SLC4A3: variants seen among roughly 807,000 people sequenced by gnomAD.
The protein encoded by SLC4A3 is solute carrier family 4 member 3.
A neutral mutation model predicts 114.2 loss-of-function variants in SLC4A3; 47 were observed. The ratio of observed to expected loss-of-function variants is 0.41; its 90% CI spans 0.33 to 0.52. The LOEUF (loss-of-function observed/expected upper bound fraction) is 0.52, where lower values mean the gene tolerates loss of function less well. SLC4A3 is among the 20% of genes least tolerant of loss of function. The pLI, the probability that SLC4A3 is intolerant of heterozygous loss-of-function variation, is 0.21. For missense variants in SLC4A3, 1,312 were observed against 1,668.3 expected, an observed-to-expected ratio of 0.79 and a Z score of 3.72; for synonymous variants, 693 against 710.3, an observed-to-expected ratio of 0.98 and a Z score of 0.39.
rs1365991235 is a variant in SLC4A3, at chr2:219,628,437, T to G, written c.84T>G (p.Ser28Arg). Residue 28 changes from serine to arginine, a missense_variant, in exon 3 of 23, where the codon AGT becomes AGG. Transcript: ENST00000358055. This position sits in a 1 kb window ranked among gnomAD's most constrained non-coding sequence, Gnocchi z 4.8. ...VRVPLEEPPL[S>R]PDVEEEDDDL... ...TGCCCTTGGAGGAGCCCCCTCTAAG[T>G]CCAGACGTGGAGGAGGAGGACGATG... The G allele has an allele frequency of 1.9e-6, 3 of 1,613,130 alleles. No homozygotes were observed. The highest frequency in any genetic ancestry group is 1.7e-5 in the Admixed American group (1 of 59,890).
Position 219,637,616 on chromosome 2 carries a change from C to T in SLC4A3, c.2571C>T (p.Pro857=), listed in dbSNP as rs201752830. Residue 857 remains proline (P), a synonymous_variant, in exon 17 of 23, where the codon CCC becomes CCT. Coordinates refer to ENST00000358055, the MANE Select transcript of SLC4A3 (RefSeq NM_005070.4). The surrounding 1 kb of genome is among the most constrained non-coding windows in gnomAD (Gnocchi z 4.6). ...FTEHPLLPFY[P]PEGALEGSLD... The stretch of plus-strand genomic sequence containing the variant: ...AGCACCCACTGCTGCCGTTCTACCC[C>T]CCTGAGGGGGCCCTGGAGGGGTCCC... 430 of 1,611,056 alleles carry T rather than the reference C, an allele frequency of 2.7e-4. 1 individual carries two copies. The highest frequency in any genetic ancestry group is 1.9e-4 in the Non-Finnish European group (222 of 1,177,802).
rs780440407 is a variant in SLC4A3 at position 219,629,270 on chromosome 2, C to T, written c.344C>T (p.Thr115Ile). The change falls in exon 4 of 23, where the codon ACC becomes ATC. Residue 115 changes from threonine (T) to isoleucine (I), a missense_variant. Physicochemically the swap from Thr to Ile is moderately conservative, Grantham distance 89. Around this residue, in one of 4 missense-constraint regions of SLC4A3, gnomAD observed 236 missense variants for 212.1 expected, o/e 1.11. Coordinates refer to ENST00000358055, the MANE Select transcript of SLC4A3 (RefSeq NM_005070.4). The part of the protein sequence containing the change: ...HTRRKRKKEK[T>I]SAPPSEGTPP... ...AGGAGAAAGAGGAAGAAGGAGAAAA[C>T]CTCTGCTCCTCCCTCCGAGGGGACC... is the stretch of plus-strand genomic sequence containing the variant. The T allele has an allele frequency of 1.9e-5, 30 of 1,613,846 alleles. No homozygotes were observed. Among genetic ancestry groups the T allele is most frequent in the Non-Finnish European group, 2.1e-5 (25 of 1,179,974 alleles).
intron 9 of SLC4A3, 113 bp downstream of exon 9, chr2:219,633,122 C>A (rs1022248671): frequency 2.8e-6 from 4 of 1,419,044 alleles, no homozygotes; most frequent in Admixed American, 4.1e-5. Context: ...TGACAGAGAG[C>A]TCATTTCTAT....
chr2:219,641,603 G>A lies in SLC4A3; in HGVS notation c.3622-48G>A. The A allele has an allele frequency of 6.9e-7, 1 of 1,458,838 alleles. No homozygotes were observed. Among genetic ancestry groups the A allele is most frequent in the Non-Finnish European group, 9.6e-7 (1 of 1,039,642 alleles). The allele number at this position is 1,458,838 out of a possible 1,614,324, so 90.4% of individuals were successfully genotyped here. On this transcript the variant is annotated intron_variant, in intron 22 of 22. Coordinates refer to ENST00000358055, the MANE Select transcript of SLC4A3 (RefSeq NM_005070.4). The surrounding 1 kb of genome is among the most constrained non-coding windows in gnomAD (Gnocchi z 4.0). ...GGAGGAGGAGCTGGAGAATGGGAGGGGACGAGCATGCTTCCCTGCCTTCCC... is the reference window on the plus strand; with the variant it reads ...GGAGGAGGAGCTGGAGAATGGGAGGAGACGAGCATGCTTCCCTGCCTTCCC...
Position 219,630,650 on chromosome 2 carries a change from C to T in SLC4A3, c.811+298C>T, listed in dbSNP as rs565753642. On this transcript the variant is annotated intron_variant, in intron 6 of 22. Transcript: ENST00000358055. The surrounding 1 kb of genome is among the most constrained non-coding windows in gnomAD (Gnocchi z 6.9). ...ACATTACTGTATCCCTCCCCAAGGC[C>T]CCTCTTCTCGGGGTGAACTCTCTGT... 9.2e-5 allele frequency among the ~76,000 whole-genome samples: 14 copies of T among 152,292 alleles called. No individual in the cohort carries two copies. In the South Asian group the frequency reaches 1.7e-3, roughly 18 times the overall value.
chr2:219,638,720 A>G lies in SLC4A3; in HGVS notation c.2874A>G (p.Thr958=). ...CCATGCAGAAGCTGACAGTGCCTACAGGGCTCTCAGTGACCTCTCCCGATA... is the reference window on the plus strand; with the variant it reads ...CCATGCAGAAGCTGACAGTGCCTACGGGGCTCTCAGTGACCTCTCCCGATA... The part of the protein sequence containing the change: ...DTYTQKLTVP[T]GLSVTSPDKR... The change falls in exon 19 of 23, where the codon ACA becomes ACG. Residue 958 remains threonine (T), a synonymous_variant. Transcript: ENST00000358055. The surrounding 1 kb of genome is among the most constrained non-coding windows in gnomAD (Gnocchi z 7.5). 6.2e-7 allele frequency: 1 copy of G among 1,614,108 alleles called. No homozygotes were observed. Among genetic ancestry groups the G allele is most frequent in the Non-Finnish European group, 8.5e-7 (1 of 1,180,018 alleles).
At position 219,631,204 on chromosome 2, in the gene SLC4A3, A is replaced by G; in HGVS notation, c.812-764A>G. The G allele has an allele frequency of 8.2e-7, 1 of 1,222,536 alleles. No homozygotes were observed. Among genetic ancestry groups the G allele is most frequent in the Non-Finnish European group, 1.1e-6 (1 of 946,426 alleles). 75.7% of individuals were successfully genotyped at this position (1,222,536 alleles called of 1,614,324 possible). ...TTGTAGGAGAGCCGAGGGGTCTGGT[A>G]GGGAGCGGAGGCCGAGGTCTCGGCC... On this transcript the variant is annotated intron_variant, in intron 6 of 22. Coordinates refer to ENST00000358055, the MANE Select transcript of SLC4A3 (RefSeq NM_005070.4). The surrounding 1 kb of genome is among the most constrained non-coding windows in gnomAD (Gnocchi z 6.3).
Position 219,637,506 on chromosome 2 carries a change from A to G in SLC4A3, c.2536-75A>G. The G allele has an allele frequency of 1.3e-6, 1 of 790,412 alleles. No individual in the cohort carries two copies. Among genetic ancestry groups the G allele is most frequent in the Non-Finnish European group, 2.1e-6 (1 of 474,190 alleles). 49.0% of individuals were successfully genotyped at this position (790,412 alleles called of 1,614,324 possible). On this transcript the variant is annotated intron_variant, in intron 16 of 22. Transcript: ENST00000358055. The surrounding 1 kb of genome is among the most constrained non-coding windows in gnomAD (Gnocchi z 4.6). Reference sequence around the variant, plus strand: ...GTATTGAGGGGCCACCCTCTCTCTCACAGGTGTACTGATGACGATGAAGTC... The same window carrying G: ...GTATTGAGGGGCCACCCTCTCTCTCGCAGGTGTACTGATGACGATGAAGTC...
Position 219,628,014 on chromosome 2 carries a change from C to A in SLC4A3, c.22C>A (p.Pro8Thr). MANGVIP[P>T]PGGASPLPQV... ...GGCCATGGCCAACGGAGTGATCCCGCCGCCCGGGGGCGCCTCCCCCCTACC... is the reference window on the plus strand; with the variant it reads ...GGCCATGGCCAACGGAGTGATCCCGACGCCCGGGGGCGCCTCCCCCCTACC... Residue 8 changes from proline to threonine, a missense_variant, in exon 2 of 23, where the codon CCG becomes ACG. Physicochemically the swap from Pro to Thr is conservative, Grantham distance 38 (BLOSUM62 -1). Coordinates refer to ENST00000358055, the MANE Select transcript of SLC4A3 (RefSeq NM_005070.4). This position sits in a 1 kb window ranked among gnomAD's most constrained non-coding sequence, Gnocchi z 4.8. 2 of 1,593,468 alleles carry A rather than the reference C, an allele frequency of 1.3e-6. No homozygotes were observed. The highest frequency in any genetic ancestry group is 1.4e-5 in the African/African-American group (1 of 73,662).
chr2:219,640,989 A>G (rs375342367), intron 22 of SLC4A3, 27 bp downstream of exon 22: 2 of 1,597,274 alleles, frequency 1.3e-6, no homozygotes, highest in African/African-American at 2.7e-5. Context: ...CTGGGGAAAC[A>G]GTGTTAGGGC....
In SLC4A3 at chr2:219,628,034, C is replaced by A. The variant is rs372157272; in HGVS notation, c.42C>A (p.Pro14=). Residue 14 remains proline (P), a synonymous_variant, in exon 2 of 23, where the codon CCC becomes CCA. Transcript: ENST00000358055. The surrounding 1 kb of genome is among the most constrained non-coding windows in gnomAD (Gnocchi z 4.8). The part of the protein sequence containing the change: ...GVIPPPGGAS[P]LPQVRVPLEE... ...TCCCGCCGCCCGGGGGCGCCTCCCC[C>A]CTACCCCAGGTGATCGGCGCGCGCG... The A allele has an allele frequency of 4.2e-5, 66 of 1,578,502 alleles. No homozygotes were observed. Among genetic ancestry groups the A allele is most frequent in the East Asian group, 2.3e-4 (10 of 42,700 alleles).
In SLC4A3 at chr2:219,636,632, C is replaced by A; in HGVS notation, c.2341-48C>A. The A allele has an allele frequency of 6.4e-7, 1 of 1,557,242 alleles. No homozygotes were observed. The highest frequency in any genetic ancestry group is 8.8e-7 in the Non-Finnish European group (1 of 1,142,248). ...CTGCCTATTCCAGGGGGCATTGACA[C>A]CCAGGGCAGTCCACCTGTGGGTAAC... On this transcript the variant is annotated intron_variant, in intron 15 of 22. Coordinates refer to ENST00000358055, the MANE Select transcript of SLC4A3 (RefSeq NM_005070.4). The surrounding 1 kb of genome is among the most constrained non-coding windows in gnomAD (Gnocchi z 5.5).
chr2:219,640,352 C>T (rs956778367), intron 20 of SLC4A3, 78 bp from the exon 21 acceptor site: 18 of 1,506,680 alleles, frequency 1.2e-5, no homozygotes, highest in Non-Finnish European at 1.6e-5. Flanking sequence ...TCAGGCAGAT[C>T]TGTGTCACCT....
At position 219,635,742 on chromosome 2, in the gene SLC4A3, T is replaced by C; in HGVS notation, c.2042T>C (p.Val681Ala). The C allele has an allele frequency of 6.3e-7, 1 of 1,596,090 alleles. No individual in the cohort carries two copies. The highest frequency in any genetic ancestry group is 8.5e-7 in the Non-Finnish European group (1 of 1,173,874). Residue 681 changes from valine (V) to alanine (A), a missense_variant, in exon 14 of 23, where the codon GTA becomes GCA. This residue lies in a region of SLC4A3 where 771 missense variants were observed against 977.7 expected (regional missense o/e 0.79). Coordinates refer to ENST00000358055, the MANE Select transcript of SLC4A3 (RefSeq NM_005070.4). ...EDDPLLRTGS[V>A]FGGLVRDVRR... ...GACCCCTTGCTGCGGACGGGCTCGG[T>C]ATTTGGGGGGCTTGTGCGGGATGTG... is the stretch of plus-strand genomic sequence containing the variant.
In SLC4A3 at chr2:219,629,348, A is replaced by G. The variant is rs1698835216; in HGVS notation, c.422A>G (p.Glu141Gly). Residue 141 changes from glutamate (E) to glycine (G), a missense_variant, in exon 4 of 23, where the codon GAG becomes GGG. Physicochemically the swap from Glu to Gly is moderately conservative, Grantham distance 98. Coordinates refer to ENST00000358055, the MANE Select transcript of SLC4A3 (RefSeq NM_005070.4). ...GGAGTGGATGAGGAAGAGGAGGAAG[A>G]GGAGGAAGAGGAAGGAGAATCTGAG... ...GAGVDEEEEE[E>G]EEEEGESEAE... 1 of 1,608,492 alleles carries G rather than the reference A, an allele frequency of 6.2e-7. No individual in the cohort carries two copies. The highest frequency in any genetic ancestry group is 1.7e-5 in the Admixed American group (1 of 59,110).
chr2:219,639,449 A>T lies in SLC4A3; in HGVS notation c.3024-33A>T. 1 of 1,601,488 alleles carries T rather than the reference A, an allele frequency of 6.2e-7. No homozygotes were observed. Among genetic ancestry groups the T allele is most frequent in the South Asian group, 1.1e-5 (1 of 90,508 alleles). ...CTTTGTCCCCTGCCCCTGCCAGGCC[A>T]GCCACACCCCGCTCCCCACCTTCTC... On this transcript the variant is annotated intron_variant, in intron 19 of 22. Transcript: ENST00000358055. This position sits in a 1 kb window ranked among gnomAD's most constrained non-coding sequence, Gnocchi z 5.9.
At chr2:219,635,523 C>G in intron 13 of SLC4A3, 27 bp downstream of exon 13, 1 of 1,555,746 alleles carries the variant, frequency 6.4e-7, no homozygotes, top group Non-Finnish European at 8.8e-7. Flanking sequence ...CTGAGTGCCC[C>G]CAATACACAC....
Position 219,630,270 on chromosome 2 carries a change from C to T in SLC4A3, c.729C>T (p.Asn243=), listed in dbSNP as rs745859083. ...ERLCPGSALG[N]PGGPEQQVPT... The stretch of plus-strand genomic sequence containing the variant: ...TGTGCCCAGGCAGTGCCCTGGGCAA[C>T]CCAGGTGGTCCAGAGCAGCAGGTGC... Residue 243 remains asparagine (N), a synonymous_variant, in exon 6 of 23, where the codon AAC becomes AAT. Transcript: ENST00000358055. The surrounding 1 kb of genome is among the most constrained non-coding windows in gnomAD (Gnocchi z 6.9). 2 of 1,613,364 alleles carry T rather than the reference C, an allele frequency of 1.2e-6. No individual in the cohort carries two copies. The highest frequency in any genetic ancestry group is 4.5e-5 in the East Asian group (2 of 44,840).
rs760243762 is a variant in SLC4A3, at chr2:219,635,709, C to T, written c.2009C>T (p.Pro670Leu). The T allele has an allele frequency of 2.5e-6, 4 of 1,593,432 alleles. No individual in the cohort carries two copies. The highest frequency in any genetic ancestry group is 3.4e-6 in the Non-Finnish European group (4 of 1,173,288). Reference protein sequence around the residue: ...SLELGGSEATPEDDPLLRTGS... With the variant: ...SLELGGSEATLEDDPLLRTGS... ...GAGTTGGGGGGCTCTGAGGCAACCC[C>T]TGAAGATGACCCCTTGCTGCGGACG... The change falls in exon 14 of 23, where the codon CCT (proline) becomes CTT (leucine). Residue 670 changes from proline (P) to leucine (L), a missense_variant. By Grantham distance (98) the Pro-to-Leu change is moderately conservative. This residue lies in a region of SLC4A3 where 771 missense variants were observed against 977.7 expected (regional missense o/e 0.79). Transcript: ENST00000358055.
Sources: gnomAD v4.1 joint callset for allele counts (sites outside exome capture counted in the v4.1 genomes callset) on GRCh38, gnomAD v4.1.1 for gene constraint, gnomAD v4.1.1 regional missense constraint, Gnocchi (gnomAD v3.1) non-coding constraint, MANE v1.5 for transcripts, NCBI Gene and HGNC (gene_info 2026-07-23, HGNC 2026-07-21) for gene names.